Variants in RAB14 observed in about 807,000 individuals in gnomAD.
RAB14 encodes RAB14, member RAS oncogene family.
Under a neutral mutation model 31.1 loss-of-function variants are expected in RAB14, and 3 were observed. That is an observed-to-expected ratio of 0.10 (90% confidence interval 0.04 to 0.25). The LOEUF (loss-of-function observed/expected upper bound fraction) is 0.25. Among genes scored for constraint, RAB14 ranks in the 10% least tolerant of loss-of-function variants. The pLI, the probability that RAB14 is intolerant of heterozygous loss-of-function variation, is 1.00. For missense variants in RAB14, 111 were observed against 260.1 expected (o/e 0.43, Z 3.94); for synonymous variants, 85 against 84.9 (o/e 1.00, Z 0.00).
intron 1 of RAB14, among the ~76,000 whole-genome samples, chr9:121,195,515 C>A (rs1433547848): frequency 6.6e-6 from 1 of 152,080 alleles, no homozygotes; most frequent in Non-Finnish European, 1.5e-5. Flanking sequence ...TTTAGTTGTA[C>A]TAATTTGTGT....
chr9:121,189,325 C>T (rs2053674488), intron 4 of RAB14, among the ~76,000 whole-genome samples: 1 of 152,090 alleles, frequency 6.6e-6, no homozygotes, highest in South Asian at 2.1e-4. Flanking sequence ...TCTTAGCACA[C>T]ATCACCATAC....
intron 6 of RAB14, 111 bp from the exon 7 acceptor site, chr9:121,183,071 G>C: frequency 1.9e-6 from 2 of 1,027,488 alleles, no homozygotes; most frequent in Non-Finnish European, 2.9e-6. Context: ...TCCTCCCATA[G>C]TATTTTATGA....
At chr9:121,181,743 C>CT (rs1491448699) in intron 7 of RAB14, among the ~76,000 whole-genome samples, 170 bp from the exon 8 acceptor site, 4 of 95,948 alleles carry the variant, frequency 4.2e-5, no homozygotes, top group Non-Finnish European at 6.7e-5. Context: ...AAACTATTTT[C>CT]CTTTTTTTTT....
chr9:121,197,456 C>A (rs1028205314), intron 1 of RAB14, among the ~76,000 whole-genome samples: 2 of 152,066 alleles, frequency 1.3e-5, no homozygotes, highest in African/African-American at 4.8e-5. Flanking sequence ...CTGCATATTT[C>A]TTTTACTCAA....
At chr9:121,191,918 T>G (rs1224883177) in intron 3 of RAB14, among the ~76,000 whole-genome samples, 1 of 152,142 alleles carries the variant, frequency 6.6e-6, no homozygotes, top group East Asian at 1.9e-4. Context: ...TTTGACATTA[T>G]TTTATGTATT....
chr9:121,183,237 C>A (rs2900187), intron 6 of RAB14, 74 bp downstream of exon 6: 27 of 1,171,332 alleles, frequency 2.3e-5, no homozygotes, highest in Admixed American at 4.6e-5. Context: ...CAAAAAAAAA[C>A]CAACAAAACT....
chr9:121,197,061 T>C (rs1011012335), intron 1 of RAB14, among the ~76,000 whole-genome samples: 8 of 152,162 alleles, frequency 5.3e-5, no homozygotes, highest in Non-Finnish European at 8.8e-5. Flanking sequence ...AGACCATGAT[T>C]TTCTCTAAGG....
chr9:121,193,654 C>T (rs1271005879), intron 1 of RAB14, among the ~76,000 whole-genome samples: 1 of 152,016 alleles, frequency 6.6e-6, no homozygotes, highest in Non-Finnish European at 1.5e-5. Flanking sequence ...ACCATTTATA[C>T]CACAACTCCA....
intron 7 of RAB14, 138 bp from the exon 8 acceptor site, chr9:121,181,711 C>T: frequency 2.2e-6 from 1 of 448,566 alleles, no homozygotes; most frequent in South Asian, 5.5e-5. Flanking sequence ...ATTACCAGAA[C>T]ACTGAGCTAA....
At chr9:121,186,373 G>A (rs1472490791) in intron 5 of RAB14, among the ~76,000 whole-genome samples, 1 of 152,094 alleles carries the variant, frequency 6.6e-6, no homozygotes, top group Non-Finnish European at 1.5e-5. Flanking sequence ...AGCTCTTTGG[G>A]ACCAAGGATC....
At chr9:121,194,089 ATCAC>A (rs200313555) in intron 1 of RAB14, among the ~76,000 whole-genome samples, 6,248 of 111,154 alleles carry the variant, frequency 0.056, 276 homozygotes, top group East Asian at 0.26. Context: ...CTTGCAGATT[ATCAC>A]TCACACACAC....
At chr9:121,183,459 C>T (rs2053644208) in intron 5 of RAB14, 61 bp from the exon 6 acceptor site, 1 of 1,323,544 alleles carries the variant, frequency 7.6e-7, no homozygotes, top group Admixed American at 2.1e-5. Context: ...ACCAACCATG[C>T]AAATTCTGAA....
chr9:121,181,642 G>T, intron 7 of RAB14, 69 bp from the exon 8 acceptor site: 3 of 1,315,388 alleles, frequency 2.3e-6, no homozygotes, highest in Non-Finnish European at 2.1e-6. Context: ...CTGACCTTTT[G>T]CTAATCTTTA....
chr9:121,197,179 G>A (rs1434364376), intron 1 of RAB14, among the ~76,000 whole-genome samples: 1 of 152,168 alleles, frequency 6.6e-6, no homozygotes, highest in Non-Finnish European at 1.5e-5. Context: ...TACCCTTGCT[G>A]CCAAGAGAAA....
At position 121,178,553 on chromosome 9, in the gene RAB14, T is replaced by C. The variant is rs1361132896; in HGVS notation, c.*2843A>G. On this transcript the variant is annotated 3_prime_UTR_variant, in exon 8 of 8. Coordinates refer to ENST00000373840, the MANE Select transcript of RAB14 (RefSeq NM_016322.4). ...TTTAAAATCACACTTAAAAGACACA[T>C]GGGCAAAAAAGTTCCCCAAAACTAC... 1.3e-5 allele frequency: 2 copies of C among 152,546 alleles called. No individual in the cohort carries two copies. The highest frequency in any genetic ancestry group is 2.9e-5 in the Non-Finnish European group (2 of 68,012). 9.4% of individuals were successfully genotyped at this position (152,546 alleles called of 1,614,324 possible).
Position 121,181,215 on chromosome 9 carries a change from A to T in RAB14, c.*181T>A, listed in dbSNP as rs2053631314. On this transcript the variant is annotated 3_prime_UTR_variant, in exon 8 of 8. Coordinates refer to ENST00000373840, the MANE Select transcript of RAB14 (RefSeq NM_016322.4). Reference sequence around the variant, plus strand: ...TTTATTACTCTACTTGCCTTTGATAACCTGATTACATCTAGTTGTTTAGCA... The same window carrying T: ...TTTATTACTCTACTTGCCTTTGATATCCTGATTACATCTAGTTGTTTAGCA... 9.1e-6 allele frequency: 5 copies of T among 550,502 alleles called. No homozygotes were observed. The highest frequency in any genetic ancestry group is 1.4e-5 in the Non-Finnish European group (5 of 346,716). 34.1% of individuals were successfully genotyped at this position (550,502 alleles called of 1,614,324 possible).
Position 121,187,704 on chromosome 9 carries a change from T to G in RAB14, c.285-685A>C, listed in dbSNP as rs563477977. Among the ~76,000 whole-genome samples the G allele has an allele frequency of 7.2e-5, 11 of 152,144 alleles. No homozygotes were observed. The East Asian group carries it at 1.7e-3, about 24-fold the overall frequency. On this transcript the variant is annotated intron_variant, in intron 4 of 7. Transcript: ENST00000373840. ...AGAGTTTAAAAACTCATAGGCTCAT[T>G]TGCACTAGCCAAGTAAGCTCTAAGA...
chr9:121,192,190 A>G lies in RAB14; in HGVS notation c.87T>C (p.His29=). Residue 29 remains histidine (H), a synonymous_variant, in exon 3 of 8, where the codon CAT becomes CAC. Transcript: ENST00000373840. ...ACTTACATTTTTTTTCTGTAAATTG[A>G]TGAAGCAAGCAAGATTTTCCTACTC... ...DMGVGKSCLL[H]QFTEKKFMAD... 1.9e-6 allele frequency: 3 copies of G among 1,599,464 alleles called. No individual in the cohort carries two copies. Among genetic ancestry groups the G allele is most frequent in the Non-Finnish European group, 2.6e-6 (3 of 1,170,708 alleles).
At position 121,190,667 on chromosome 9, in the gene RAB14, G is replaced by A. The variant is rs140162992; in HGVS notation, c.171C>T (p.Gly57=). 1.9e-6 allele frequency: 3 copies of A among 1,612,944 alleles called. No individual in the cohort carries two copies. The highest frequency in any genetic ancestry group is 1.7e-6 in the Non-Finnish European group (2 of 1,179,496). Residue 57 remains glycine (G), a synonymous_variant, in exon 4 of 8, where the codon GGC becomes GGT. Transcript: ENST00000373840. ...EFGTRIIEVS[G]QKIKLQIWDT... is the part of the protein sequence containing the mutation. Reference sequence around the variant, plus strand: ...CCCAAATCTGCAGTTTTATTTTTTGGCCACTAACTTCGATTATTCTTGTAC... The same window carrying A: ...CCCAAATCTGCAGTTTTATTTTTTGACCACTAACTTCGATTATTCTTGTAC...
Sources: allele counts gnomAD v4.1 joint callset (sites outside exome capture counted in the v4.1 genomes callset), GRCh38; gene constraint gnomAD v4.1.1; transcripts MANE v1.5; gene names NCBI Gene and HGNC (gene_info 2026-07-23, HGNC 2026-07-21).